Variants in CACNA2D3 observed in about 807,000 individuals in gnomAD.
CACNA2D3 encodes voltage-dependent calcium channel subunit alpha-2/delta-3.
A neutral mutation model predicts 160.6 loss-of-function variants in CACNA2D3; 60 were observed. The observed-to-expected ratio is 0.37, with a 90% CI of 0.30 to 0.46. CACNA2D3 has a LOEUF of 0.46. CACNA2D3 is among the 20% of genes least tolerant of loss of function. The pLI, the probability that CACNA2D3 is intolerant of heterozygous loss-of-function variation, is 1.00. For synonymous variants in CACNA2D3, 558 were observed against 492.9 expected (o/e 1.13, Z -1.75); for missense variants, 1,205 against 1,365.0 (o/e 0.88, Z 1.85).
intron 2 of CACNA2D3, among the ~76,000 whole-genome samples, chr3:54,151,219 A>C (rs984170189): frequency 5.3e-5 from 8 of 151,614 alleles, no homozygotes; most frequent in African/African-American, 1.9e-4. Flanking sequence ...AGATTAATTA[A>C]TGGATGTAGA....
chr3:54,338,807 C>T (rs1405972387), intron 3 of CACNA2D3, among the ~76,000 whole-genome samples: 1 of 152,046 alleles, frequency 6.6e-6, no homozygotes, highest in Non-Finnish European at 1.5e-5. Context: ...TGCCCTGGCT[C>T]GTGGGGCTTG....
rs948888985 is a variant in CACNA2D3 at position 54,124,090 on chromosome 3, A to G, written c.204+496A>G. ...TCCCCAATCATCTAGACCCAGGGCT[A>G]GGATGCATTACATCATTGCAGATAA... On this transcript the variant is annotated intron_variant, in intron 2 of 37. Transcript: ENST00000474759. 3.9e-5 allele frequency among the ~76,000 whole-genome samples: 6 copies of G among 152,352 alleles called. No individual in the cohort carries two copies. The East Asian group carries it at 9.6e-4, about 24-fold the overall frequency.
At chr3:54,483,593 A>AT (rs750924963) in intron 4 of CACNA2D3, among the ~76,000 whole-genome samples, 3 of 152,104 alleles carry the variant, frequency 2.0e-5, no homozygotes, top group Admixed American at 1.3e-4. Flanking sequence ...TTGATGTTTA[A>AT]TTTTTTATCC....
intron 2 of CACNA2D3, among the ~76,000 whole-genome samples, chr3:54,202,465 A>G (rs1701197444): frequency 6.6e-6 from 1 of 152,226 alleles, no homozygotes; most frequent in South Asian, 2.1e-4. Flanking sequence ...TGTTTGTTGC[A>G]GTTGCTTCCC....
chr3:54,647,975 A>T (rs1699685544), intron 11 of CACNA2D3, among the ~76,000 whole-genome samples: 1 of 152,364 alleles, frequency 6.6e-6, no homozygotes, highest in East Asian at 1.9e-4. Flanking sequence ...AGAGGAACTC[A>T]TTCCAGGACC....
chr3:54,857,758 G>A (rs1456731469), intron 17 of CACNA2D3, among the ~76,000 whole-genome samples: 1 of 152,182 alleles, frequency 6.6e-6, no homozygotes, highest in Non-Finnish European at 1.5e-5. Flanking sequence ...GTAGACTAGA[G>A]CTTCAAATGC....
intron 2 of CACNA2D3, among the ~76,000 whole-genome samples, chr3:54,290,915 A>G (rs1455308180): frequency 6.7e-6 from 1 of 149,572 alleles, no homozygotes; most frequent in East Asian, 2.0e-4. Flanking sequence ...GTTGTGGGGT[A>G]GCGGGGGGTG....
chr3:54,208,704 C>A (rs76014929), intron 2 of CACNA2D3, among the ~76,000 whole-genome samples: 1 of 151,872 alleles, frequency 6.6e-6, no homozygotes, highest in Non-Finnish European at 1.5e-5. Context: ...GGTCTGCTTT[C>A]CTTGTTTTAG....
chr3:54,514,218 A>G (rs997494836), intron 5 of CACNA2D3, among the ~76,000 whole-genome samples: 1 of 152,082 alleles, frequency 6.6e-6, no homozygotes, highest in Non-Finnish European at 1.5e-5. Context: ...CACATAGGGG[A>G]TATTTCTGTT....
At chr3:54,802,746 A>T (rs1703022154) in intron 13 of CACNA2D3, among the ~76,000 whole-genome samples, 1 of 152,140 alleles carries the variant, frequency 6.6e-6, no homozygotes, top group Non-Finnish European at 1.5e-5. Context: ...GAATGGGCAG[A>T]CTGCCTCCTC....
At chr3:55,056,014 T>A (rs539919014) in intron 35 of CACNA2D3, among the ~76,000 whole-genome samples, 1 of 152,138 alleles carries the variant, frequency 6.6e-6, no homozygotes, top group South Asian at 2.1e-4. Flanking sequence ...ATAGACAATC[T>A]ACAGATTGAG....
chr3:54,671,942 A>G (rs539850986), intron 11 of CACNA2D3, among the ~76,000 whole-genome samples: 1 of 152,318 alleles, frequency 6.6e-6, no homozygotes, highest in South Asian at 2.1e-4. Flanking sequence ...AAGCACAGCA[A>G]TGTGTTGACT....
At chr3:54,835,864 G>C (rs1698665908) in intron 14 of CACNA2D3, among the ~76,000 whole-genome samples, 1 of 152,162 alleles carries the variant, frequency 6.6e-6, no homozygotes. Flanking sequence ...AAAGAAGCTG[G>C]CATCCTTTGA....
At position 54,806,231 on chromosome 3, in the gene CACNA2D3, A is replaced by G. The variant is rs574269673; in HGVS notation, c.1381-10622A>G. On this transcript the variant is annotated intron_variant, in intron 13 of 37. Transcript: ENST00000474759. ...AATCAGGCGGGAGAAGGAAATAAAG[A>G]GTATTCAATTAGGAAAAGAGGAAGT... is the stretch of plus-strand genomic sequence containing the variant. Among the ~76,000 whole-genome samples the G allele has an allele frequency of 4.1e-4, 62 of 152,268 alleles. 1 individual carries two copies. Among genetic ancestry groups the G allele is most frequent in the East Asian group, 1.4e-3 (7 of 5,170 alleles).
intron 4 of CACNA2D3, among the ~76,000 whole-genome samples, chr3:54,460,396 C>T (rs1226234970): frequency 6.6e-6 from 1 of 152,144 alleles, no homozygotes; most frequent in African/African-American, 2.4e-5. Context: ...ATTGATTCTT[C>T]CTACCCATGA....
intron 14 of CACNA2D3, among the ~76,000 whole-genome samples, chr3:54,831,098 G>A (rs1180518019): frequency 6.6e-6 from 1 of 152,208 alleles, no homozygotes; most frequent in African/African-American, 2.4e-5. Flanking sequence ...GAAGAAATAT[G>A]ATATTTGATG....
intron 2 of CACNA2D3, among the ~76,000 whole-genome samples, chr3:54,131,727 A>G (rs1463502449): frequency 6.6e-6 from 1 of 152,160 alleles, no homozygotes; most frequent in Admixed American, 6.5e-5. Context: ...ACAATGACAA[A>G]TGCATTTATT....
chr3:54,454,040 G>C (rs1238370605), intron 4 of CACNA2D3, among the ~76,000 whole-genome samples: 1 of 152,128 alleles, frequency 6.6e-6, no homozygotes, highest in South Asian at 2.1e-4. Flanking sequence ...CTTCTAATTT[G>C]TTAGGTGGAA....
At chr3:54,320,919 G>A (rs1703974513) in intron 3 of CACNA2D3, among the ~76,000 whole-genome samples, 1 of 152,182 alleles carries the variant, frequency 6.6e-6, no homozygotes, top group African/African-American at 2.4e-5. Flanking sequence ...ATTTTCTTGT[G>A]TCACTGTGTT....
Sources: allele counts gnomAD v4.1 joint callset (sites outside exome capture counted in the v4.1 genomes callset), GRCh38; gene constraint gnomAD v4.1.1; transcripts MANE v1.5; gene names NCBI Gene and HGNC (gene_info 2026-07-23, HGNC 2026-07-21).